Variants in ROBO2 observed in about 807,000 individuals in gnomAD.
ROBO2 encodes roundabout guidance receptor 2.
A neutral mutation model predicts 160.8 loss-of-function variants in ROBO2; 53 were observed. That is an observed-to-expected ratio of 0.33 (90% CI 0.26 to 0.41). ROBO2 has a LOEUF of 0.41. ROBO2 is among the 10% of genes least tolerant of loss of function. The probability of loss-of-function intolerance (pLI) is 1.00; values close to 1 mark genes in which losing one functional copy is unlikely to be tolerated. For missense variants in ROBO2, 1,577 were observed against 1,722.4 expected, an observed-to-expected ratio of 0.92 and a Z score of 1.49; for synonymous variants, 664 against 611.7, an observed-to-expected ratio of 1.09 and a Z score of -1.26.
intron 2 of ROBO2, among the ~76,000 whole-genome samples, chr3:76,068,057 G>A (rs2107936791): frequency 6.6e-6 from 1 of 152,252 alleles, no homozygotes; most frequent in Middle Eastern, 3.4e-3. Flanking sequence ...ACACATGGAG[G>A]GTGGACGGTT....
intron 2 of ROBO2, among the ~76,000 whole-genome samples, chr3:75,981,133 T>C (rs1475662417): frequency 6.6e-6 from 1 of 151,532 alleles, no homozygotes; most frequent in Non-Finnish European, 1.5e-5. Flanking sequence ...TTCTGTATTA[T>C]GCAAGATTAA....
chr3:76,088,485 C>A (rs908311369), intron 2 of ROBO2, among the ~76,000 whole-genome samples: 2 of 151,648 alleles, frequency 1.3e-5, no homozygotes, highest in Non-Finnish European at 2.9e-5. Flanking sequence ...CACACCTTAA[C>A]AAATTAAAAA....
At chr3:76,502,860 C>A (rs546209904) in intron 2 of ROBO2, among the ~76,000 whole-genome samples, 40 of 152,166 alleles carry the variant, frequency 2.6e-4, no homozygotes, top group Admixed American at 1.1e-3. Context: ...TGAACAACAG[C>A]AAACTTGGCA....
chr3:77,565,109 T>C (rs1307008886), exon 12 of ROBO2: 1 of 1,613,462 alleles, frequency 6.2e-7, no homozygotes, highest in African/African-American at 1.3e-5. Context: ...TCAGATCCTG[T>C]GCGCACACAA....
At chr3:76,304,387 G>T (rs2071218929) in intron 2 of ROBO2, among the ~76,000 whole-genome samples, 1 of 152,168 alleles carries the variant, frequency 6.6e-6, no homozygotes, top group Non-Finnish European at 1.5e-5. Context: ...GAACGTTAAA[G>T]AATTAGGGAG....
At position 77,428,338 on chromosome 3, in the gene ROBO2, TA is replaced by T. The variant is rs375195350; in HGVS notation, c.389-49075del. On this transcript the variant is annotated intron_variant, in intron 2 of 25. Transcript: ENST00000461745. ...GGCATTCACAGCAAAACTTAGGTAATATTTTTTTTTTTTTTTTTTTTTTTTT... is the reference window on the plus strand; with the variant it reads ...GGCATTCACAGCAAAACTTAGGTAATTTTTTTTTTTTTTTTTTTTTTTTTT... 4.4e-4 allele frequency among the ~76,000 whole-genome samples: 51 copies of T among 115,296 alleles called. 3 individuals are homozygous for T. Among genetic ancestry groups the T allele is most frequent in the Non-Finnish European group, 5.1e-4 (29 of 56,776 alleles). 75.6% of individuals were successfully genotyped at this position (115,296 alleles called of 152,430 possible). A position where few individuals can be genotyped will look rare whatever the true frequency, so the allele number is the denominator to read the frequency against.
intron 2 of ROBO2, among the ~76,000 whole-genome samples, chr3:76,274,939 TATA>T (rs1188609349): frequency 6.6e-6 from 1 of 151,978 alleles, no homozygotes; most frequent in Non-Finnish European, 1.5e-5. Flanking sequence ...ATTCAGTGAA[TATA>T]ATATTTTATG....
intron 1 of ROBO2, among the ~76,000 whole-genome samples, chr3:77,088,983 T>C (rs2069739695): frequency 6.6e-6 from 1 of 152,186 alleles, no homozygotes; most frequent in Non-Finnish European, 1.5e-5. Context: ...ATGATCATGC[T>C]ACAGAACAAT....
At chr3:77,316,808 T>G in intron 2 of ROBO2, 1 of 1,301,518 alleles carries the variant, frequency 7.7e-7, no homozygotes, top group Non-Finnish European at 1.1e-6. Context: ...TTGACGTTCT[T>G]GCCATCCAGG....
chr3:76,207,876 A>G lies in ROBO2; in HGVS notation c.109+270274A>G, dbSNP rs112503690. Among the ~76,000 whole-genome samples, 1,343 of 152,318 alleles carry G rather than the reference A, an allele frequency of 8.8e-3. 22 individuals carry two copies. Among genetic ancestry groups the G allele is most frequent in the African/African-American group, 0.031 (1,289 of 41,568 alleles). On this transcript the variant is annotated intron_variant, in intron 2 of 26. Transcript: ENST00000487694. ...TGTGTCCCCACCCAAATCTCAGGTC[A>G]AATTATAGTCCCCAGTGTGGGAGGT...
chr3:77,642,527 A>G (rs536888013), intron 24 of ROBO2, 144 bp from the exon 26 acceptor site: 77 of 357,584 alleles, frequency 2.2e-4, no homozygotes, highest in South Asian at 1.6e-3. Flanking sequence ...GAGCTTTGGA[A>G]ATAAATAATT....
At chr3:76,892,565 T>G (rs73109208) in intron 2 of ROBO2, among the ~76,000 whole-genome samples, 8,275 of 152,260 alleles carry the variant, frequency 0.054, 322 homozygotes, top group East Asian at 0.22. Context: ...CTGATTTCCC[T>G]GGTCCAACGT....
chr3:76,243,748 T>G (rs1705445783), intron 2 of ROBO2, among the ~76,000 whole-genome samples: 1 of 152,194 alleles, frequency 6.6e-6, no homozygotes, highest in Admixed American at 6.5e-5. Flanking sequence ...CTGCCCTCAA[T>G]ATTTTTTTAT....
At chr3:76,441,508 A>G (rs1248359369) in intron 2 of ROBO2, among the ~76,000 whole-genome samples, 1 of 152,210 alleles carries the variant, frequency 6.6e-6, no homozygotes, top group Non-Finnish European at 1.5e-5. Flanking sequence ...CGTAGTTTTC[A>G]GGAGAAGAAG....
chr3:77,326,305 A>C (rs2065384543), intron 2 of ROBO2, among the ~76,000 whole-genome samples: 1 of 152,204 alleles, frequency 6.6e-6, no homozygotes, highest in Non-Finnish European at 1.5e-5. Flanking sequence ...AGTAGTAAAG[A>C]CTATTAGAAG....
At chr3:76,800,716 G>A (rs1327775120) in intron 2 of ROBO2, among the ~76,000 whole-genome samples, 1 of 152,142 alleles carries the variant, frequency 6.6e-6, no homozygotes, top group Non-Finnish European at 1.5e-5. Flanking sequence ...CAAAAGGCAG[G>A]CAATAACAAA....
intron 2 of ROBO2, among the ~76,000 whole-genome samples, chr3:77,206,498 A>AT (rs1357141570): frequency 1.3e-5 from 2 of 152,102 alleles, no homozygotes; most frequent in Non-Finnish European, 2.9e-5. Flanking sequence ...GTCTTATTGT[A>AT]TTAAAGAACC....
chr3:77,371,970 T>C (rs2071822495), intron 2 of ROBO2, among the ~76,000 whole-genome samples: 1 of 152,216 alleles, frequency 6.6e-6, no homozygotes. Context: ...CTGGTCAGTT[T>C]CCATTCCAGG....
intron 2 of ROBO2, among the ~76,000 whole-genome samples, chr3:77,288,274 G>A (rs1001405508): frequency 3.9e-5 from 6 of 152,184 alleles, no homozygotes; most frequent in Non-Finnish European, 7.4e-5. Context: ...GTGGGTAGGA[G>A]AGAATAGAGG....
Sources: allele counts gnomAD v4.1 joint callset (sites outside exome capture counted in the v4.1 genomes callset), GRCh38; gene constraint gnomAD v4.1.1; transcripts MANE v1.5; gene names NCBI Gene and HGNC (gene_info 2026-07-23, HGNC 2026-07-21).